ITGAE: variants seen among roughly 807,000 people sequenced by gnomAD.
ITGAE encodes integrin alpha-E.
In ITGAE, 99 loss-of-function variants were observed where a neutral mutation model predicts 136.5. The observed-to-expected ratio is 0.73, with a 90% confidence interval of 0.62 to 0.86. The LOEUF (loss-of-function observed/expected upper bound fraction) is 0.86, where lower values mean the gene tolerates loss of function less well. Ranked by LOEUF, ITGAE falls within the 40% of genes least tolerant of loss-of-function variation. The probability of loss-of-function intolerance (pLI) is 0.00; values close to 1 mark genes in which losing one functional copy is unlikely to be tolerated. For missense variants in ITGAE, 1,447 were observed against 1,515.3 expected (o/e 0.95, Z 0.75); for synonymous variants, 613 against 591.8 (o/e 1.04, Z -0.52).
Position 3,798,414 on chromosome 17 carries a change from C to T in ITGAE, c.34+2697G>A, listed in dbSNP as rs986527877. ...CAATCTCCTGCTCCCACTCACACTT[C>T]GCCTCCATCTTCCTACAAACCAGAC... On this transcript the variant is annotated intron_variant, in intron 1 of 30. Transcript: ENST00000263087. This position sits in a 1 kb window ranked among gnomAD's most constrained non-coding sequence, Gnocchi z 4.3. Among the ~76,000 whole-genome samples the T allele has an allele frequency of 2.0e-5, 3 of 152,126 alleles. No homozygotes were observed. Among genetic ancestry groups the T allele is most frequent in the African/African-American group, 4.8e-5 (2 of 41,410 alleles).
intron 21 of ITGAE, 89 bp downstream of exon 21, chr17:3,734,728 G>T: frequency 4.6e-6 from 7 of 1,510,818 alleles, no homozygotes; most frequent in Non-Finnish European, 6.4e-6. Flanking sequence ...GGAGGCAGGG[G>T]TGCCAGTGAG....
At chr17:3,729,283 A>G (rs772474277) in intron 24 of ITGAE, 195 bp downstream of exon 24, 10 of 561,100 alleles carry the variant, frequency 1.8e-5, no homozygotes, top group Non-Finnish European at 2.9e-5. Flanking sequence ...TCCTTTGATG[A>G]CCACAGTGGG....
rs377095718 is a variant in ITGAE at position 3,723,917 on chromosome 17, C to G, written c.3085-173G>C. ...AGTCTCGCGATGTTTGCGTTTGAAC[C>G]TCTTGGCGGGTGCCGGCCATGGCGG... On this transcript the variant is annotated intron_variant, in intron 26 of 30. Coordinates refer to ENST00000263087, the MANE Select transcript of ITGAE (RefSeq NM_002208.5). The G allele has an allele frequency of 5.1e-4, 790 of 1,544,424 alleles. 4 individuals are homozygous for G. The African/African-American group carries it at 9.2e-3, about 18-fold the overall frequency.
chr17:3,725,094 T>A, intron 26 of ITGAE: 1 of 1,614,208 alleles, frequency 6.2e-7, no homozygotes. Context: ...AACCAGGGCT[T>A]CCTTCAGTTT....
At chr17:3,716,310 C>T (rs2050943346) in intron 30 of ITGAE, among the ~76,000 whole-genome samples, 1 of 152,118 alleles carries the variant, frequency 6.6e-6, no homozygotes. Flanking sequence ...AGGGGAACAA[C>T]AGTCACATCT....
intron 1 of ITGAE, among the ~76,000 whole-genome samples, chr17:3,797,914 C>T (rs925737539): frequency 1.3e-5 from 2 of 152,186 alleles, no homozygotes; most frequent in African/African-American, 2.4e-5. Context: ...AATTCTGTCG[C>T]CATCCTGGTC....
intron 1 of ITGAE, among the ~76,000 whole-genome samples, chr17:3,784,036 G>A (rs1042429696): frequency 1.7e-4 from 26 of 152,168 alleles, no homozygotes; most frequent in Admixed American, 3.9e-4. Flanking sequence ...CGAGGCGGGC[G>A]GATCACGAGG....
chr17:3,787,618 G>A (rs1029274184), intron 1 of ITGAE, among the ~76,000 whole-genome samples: 25 of 151,876 alleles, frequency 1.6e-4, no homozygotes, highest in African/African-American at 6.0e-4. Context: ...TTGGGCATAT[G>A]TCTAACCGTG....
intron 16 of ITGAE, among the ~76,000 whole-genome samples, chr17:3,749,531 T>C (rs1242382908): frequency 3.3e-5 from 5 of 151,854 alleles, no homozygotes; most frequent in Non-Finnish European, 5.9e-5. Flanking sequence ...GGATTACAGG[T>C]GTGAGCCACT....
intron 26 of ITGAE, chr17:3,724,174 G>T: frequency 6.3e-7 from 1 of 1,592,802 alleles, no homozygotes; most frequent in Non-Finnish European, 8.5e-7. Flanking sequence ...AGGCGGCGGC[G>T]GAGGCGTCCC....
At chr17:3,754,986 CAGGCCCCACCCTCGCCCAGGT>C (rs896483829) in intron 12 of ITGAE, 110 bp downstream of exon 12, 7 of 1,141,156 alleles carry the variant, frequency 6.1e-6, no homozygotes, top group African/African-American at 1.7e-5. Flanking sequence ...AGGTAGCCCC[CAGGCCCCACCCTCGCCCAGGT>C]AGGCCCCGCC....
In ITGAE at chr17:3,719,727, A is replaced by T. The variant is rs2472024; in HGVS notation, c.3333+580T>A. On this transcript the variant is annotated intron_variant, in intron 29 of 30. Coordinates refer to ENST00000263087, the MANE Select transcript of ITGAE (RefSeq NM_002208.5). ...TTCTCACTTAGGTAATTCATTTTTT[A>T]TTTATTTATTTATTTTTTGAGACTG... is the stretch of plus-strand genomic sequence containing the variant. Among the ~76,000 whole-genome samples, 3 of 151,708 alleles carry T rather than the reference A, an allele frequency of 2.0e-5. 1 individual carries two copies. Among genetic ancestry groups the T allele is most frequent in the South Asian group, 4.1e-4 (2 of 4,820 alleles).
rs561834907 is a variant in ITGAE at position 3,796,717 on chromosome 17, C to T, written c.34+4394G>A. Among the ~76,000 whole-genome samples, 336 of 152,254 alleles carry T rather than the reference C, an allele frequency of 2.2e-3. 3 individuals carry two copies. Among genetic ancestry groups the T allele is most frequent in the African/African-American group, 7.5e-3 (310 of 41,540 alleles). On this transcript the variant is annotated intron_variant, in intron 1 of 30. Coordinates refer to ENST00000263087, the MANE Select transcript of ITGAE (RefSeq NM_002208.5). ...GCCACGGAGGCCTGCTGAGTCAGACCGAGATCCCCCTCCATCCTGTCAGCC... is the reference window on the plus strand; with the variant it reads ...GCCACGGAGGCCTGCTGAGTCAGACTGAGATCCCCCTCCATCCTGTCAGCC...
intron 2 of ITGAE, among the ~76,000 whole-genome samples, chr17:3,770,039 T>C (rs1382811729): frequency 1.3e-5 from 2 of 152,156 alleles, no homozygotes; most frequent in East Asian, 3.8e-4. Context: ...TTTTAACTGG[T>C]CACTGACTTG....
intron 15 of ITGAE, among the ~76,000 whole-genome samples, chr17:3,750,896 G>A (rs187256326): frequency 3.3e-5 from 5 of 152,056 alleles, no homozygotes; most frequent in Admixed American, 3.3e-4. Context: ...ACATGGGGTG[G>A]AAGATGGAGA....
At chr17:3,794,999 C>T (rs1315719542) in intron 1 of ITGAE, among the ~76,000 whole-genome samples, 1 of 152,210 alleles carries the variant, frequency 6.6e-6, no homozygotes, top group Admixed American at 6.5e-5. Context: ...TCCCTCCACC[C>T]AGCAGGCCTG....
Position 3,716,596 on chromosome 17 carries a change from G to A in ITGAE, c.3444+92C>T. 3.9e-6 allele frequency: 3 copies of A among 761,362 alleles called. No homozygotes were observed. In the South Asian group the frequency reaches 4.8e-5, roughly 12 times the overall value. The allele number at this position is 761,362 out of a possible 1,614,324, so 47.2% of individuals were successfully genotyped here. ...AAGTGGCCACGAGGCCAGGGCAGCT[G>A]CTCTAAGTCAGAGGTTGGCTGTCCT... is the stretch of plus-strand genomic sequence containing the variant. On this transcript the variant is annotated intron_variant, in intron 30 of 30. Transcript: ENST00000263087.
chr17:3,738,256 C>A (rs530352306), intron 20 of ITGAE, among the ~76,000 whole-genome samples: 1 of 151,826 alleles, frequency 6.6e-6, no homozygotes, highest in Non-Finnish European at 1.5e-5. Context: ...CTGCACCCTC[C>A]GCCTCCCGAG....
intron 26 of ITGAE, chr17:3,726,056 T>C: frequency 3.1e-6 from 5 of 1,614,170 alleles, no homozygotes; most frequent in Non-Finnish European, 4.2e-6. Flanking sequence ...TTTCCATGGA[T>C]GAGGACCTGT....
Sources: gnomAD v4.1 joint callset for allele counts (sites outside exome capture counted in the v4.1 genomes callset) on GRCh38, gnomAD v4.1.1 for gene constraint, Gnocchi (gnomAD v3.1) non-coding constraint, MANE v1.5 for transcripts, NCBI Gene and HGNC (gene_info 2026-07-23, HGNC 2026-07-21) for gene names.